The following VWA3A variants were observed in gnomAD, a reference collection of about 807,000 sequenced individuals.
VWA3A encodes the protein von Willebrand factor A domain containing 3A.
VWA3A carries 134 observed loss-of-function variants against 160.4 expected under a neutral mutation model. The ratio of observed to expected loss-of-function variants is 0.84; its 90% CI spans 0.73 to 0.96. The LOEUF is 0.96. Among genes scored for constraint, VWA3A ranks in the 40% least tolerant of loss-of-function variants. The pLI, the probability that VWA3A is intolerant of heterozygous loss-of-function variation, is 0.00. For synonymous variants in VWA3A, 476 were observed against 543.4 expected (o/e 0.88, Z 1.72); for missense variants, 1,310 against 1,447.9 (o/e 0.90, Z 1.55).
intron 17 of VWA3A, 111 bp downstream of exon 17, chr16:22,126,408 C>G (rs1376073574): frequency 7.0e-7 from 1 of 1,430,856 alleles, no homozygotes; most frequent in Non-Finnish European, 9.3e-7. Context: ...GTCATGGTCA[C>G]CCGGCTTCCT....
chr16:22,113,611 T>C (rs1263969110), intron 8 of VWA3A, among the ~76,000 whole-genome samples: 4 of 149,386 alleles, frequency 2.7e-5, no homozygotes, highest in African/African-American at 9.9e-5. Context: ...TGTTTTTTGT[T>C]TTTTTGAGAC....
At chr16:22,115,272 T>C in intron 8 of VWA3A, 75 bp from the exon 9 acceptor site, 4 of 1,460,508 alleles carry the variant, frequency 2.7e-6, no homozygotes, top group Non-Finnish European at 3.6e-6. Flanking sequence ...CAAGCCCTTA[T>C]CTCTAAAAAG....
At chr16:22,110,767 G>A (rs898516982) in intron 7 of VWA3A, 121 bp from the exon 8 acceptor site, 8 of 787,936 alleles carry the variant, frequency 1.0e-5, no homozygotes, top group Non-Finnish European at 1.5e-5. Context: ...GCCCAGCCTC[G>A]AGCAGCCCTA....
intron 17 of VWA3A, among the ~76,000 whole-genome samples, chr16:22,130,598 G>C (rs1192849231): frequency 1.3e-5 from 2 of 152,038 alleles, no homozygotes; most frequent in Non-Finnish European, 2.9e-5. Flanking sequence ...GGGTTTTCTG[G>C]ATTTGAGGAT....
In VWA3A at chr16:22,121,582, A is replaced by T; in HGVS notation, c.1321A>T (p.Ile441Phe). The change falls in exon 14 of 34, where the codon ATT (isoleucine) becomes TTT (phenylalanine). Residue 441 changes from isoleucine to phenylalanine, a missense_variant. Transcript: ENST00000389398. Reference sequence around the variant, plus strand: ...CTCTCCTGTGGAGGAATTTGTACCTATTCTCCAGAAAACAGTATCATCGAC... The same window carrying T: ...CTCTCCTGTGGAGGAATTTGTACCTTTTCTCCAGAAAACAGTATCATCGAC... ...AFSPVEEFVP[I>F]LQKTVSSTIH... 3.1e-6 allele frequency: 5 copies of T among 1,613,540 alleles called. No individual in the cohort carries two copies. Among genetic ancestry groups the T allele is most frequent in the Non-Finnish European group, 4.2e-6 (5 of 1,179,600 alleles).
intron 17 of VWA3A, among the ~76,000 whole-genome samples, chr16:22,129,829 T>C (rs970185297): frequency 6.6e-6 from 1 of 150,808 alleles, no homozygotes; most frequent in South Asian, 2.1e-4. Flanking sequence ...CCCAGAGAGG[T>C]GGGAGGAAAA....
chr16:22,143,550 T>G (rs973308300), intron 25 of VWA3A, among the ~76,000 whole-genome samples: 3 of 151,936 alleles, frequency 2.0e-5, no homozygotes, highest in African/African-American at 7.3e-5. Context: ...TGGCTTAGAG[T>G]CTAAGCTTTA....
intron 8 of VWA3A, among the ~76,000 whole-genome samples, chr16:22,114,505 T>C (rs942094434): frequency 6.6e-6 from 1 of 152,190 alleles, no homozygotes; most frequent in African/African-American, 2.4e-5. Flanking sequence ...AGCTCAGATC[T>C]TAGAGTCAGA....
chr16:22,118,419 C>T (rs1485752989), intron 11 of VWA3A, among the ~76,000 whole-genome samples: 1 of 152,156 alleles, frequency 6.6e-6, no homozygotes, highest in African/African-American at 2.4e-5. Flanking sequence ...GGTGCAGTGG[C>T]TCACACCTGT....
chr16:22,134,474 T>G, intron 21 of VWA3A, 36 bp downstream of exon 21: 1 of 1,524,948 alleles, frequency 6.6e-7, no homozygotes, highest in Non-Finnish European at 8.9e-7. Context: ...CTGCACTGCC[T>G]TTTGTATTCA....
chr16:22,105,258 G>A lies in VWA3A; in HGVS notation c.483+1729G>A, dbSNP rs563671492. 4.6e-5 allele frequency among the ~76,000 whole-genome samples: 7 copies of A among 152,266 alleles called. No homozygotes were observed. The South Asian group carries it at 1.2e-3, about 27-fold the overall frequency. ...TCCTCGCACCTTTGTCAAAGTGGGC[G>A]GGGATTGATAGCCCCTTCATCCTGC... On this transcript the variant is annotated intron_variant, in intron 6 of 33. Transcript: ENST00000389398.
chr16:22,096,275 G>A (rs928419278), intron 1 of VWA3A, among the ~76,000 whole-genome samples: 1 of 152,170 alleles, frequency 6.6e-6, no homozygotes, highest in African/African-American at 2.4e-5. Context: ...CCTGGCAGGT[G>A]TTCAATAAGT....
chr16:22,093,972 G>A (rs1046707548), intron 1 of VWA3A, among the ~76,000 whole-genome samples: 6 of 150,764 alleles, frequency 4.0e-5, no homozygotes, highest in Admixed American at 6.6e-5. Flanking sequence ...ACGGGGTCTC[G>A]TTATGTTGGC....
chr16:22,101,447 A>G (rs954074586), intron 5 of VWA3A, among the ~76,000 whole-genome samples: 3 of 152,192 alleles, frequency 2.0e-5, no homozygotes, highest in African/African-American at 2.4e-5. Context: ...GTCCATTTTC[A>G]TGCTGCTGAT....
chr16:22,126,320 G>C (rs2045849731), intron 17 of VWA3A, 23 bp downstream of exon 17: 2 of 1,606,348 alleles, frequency 1.2e-6, no homozygotes, highest in East Asian at 2.2e-5. Flanking sequence ...TGGCTCCTGG[G>C]GGCAAGGGTG....
At chr16:22,149,638 G>GC in intron 28 of VWA3A, 149 bp from the exon 29 acceptor site, 3 of 953,804 alleles carry the variant, frequency 3.1e-6, no homozygotes, top group Non-Finnish European at 4.3e-6. Context: ...TCCCTGAGGG[G>GC]CCACAGGGCT....
At chr16:22,137,596 T>A (rs971198575) in intron 21 of VWA3A, among the ~76,000 whole-genome samples, 1 of 151,994 alleles carries the variant, frequency 6.6e-6, no homozygotes, top group African/African-American at 2.4e-5. Context: ...AGAAAAGAAG[T>A]TTAATTATAG....
At chr16:22,155,814 C>T in intron 32 of VWA3A, 37 bp from the exon 33 acceptor site, 1 of 1,613,582 alleles carries the variant, frequency 6.2e-7, no homozygotes. Flanking sequence ...AATCTGGGCA[C>T]CAGGGAGACC....
At chr16:22,095,661 G>A (rs1229792342) in intron 1 of VWA3A, among the ~76,000 whole-genome samples, 4 of 152,058 alleles carry the variant, frequency 2.6e-5, no homozygotes, top group Admixed American at 6.6e-5. Flanking sequence ...GGGCTCAAGC[G>A]ATCCTCCTGC....
Sources: allele counts gnomAD v4.1 joint callset (sites outside exome capture counted in the v4.1 genomes callset), GRCh38; gene constraint gnomAD v4.1.1; transcripts MANE v1.5; gene names NCBI Gene and HGNC (gene_info 2026-07-23, HGNC 2026-07-21).